Variants in MAF observed in about 807,000 individuals in gnomAD.
The protein encoded by MAF is MAF bZIP transcription factor, also known as transcription factor Maf.
In MAF, 10 loss-of-function variants were observed where a neutral mutation model predicts 22.0. That is an observed-to-expected ratio of 0.45 (90% confidence interval 0.28 to 0.77). MAF has a LOEUF of 0.77. Ranked by LOEUF, MAF falls within the 30% of genes least tolerant of loss-of-function variation. The pLI is 0.12. For missense variants in MAF, 544 were observed against 548.4 expected (o/e 0.99, Z 0.08); for synonymous variants, 337 against 255.8 (o/e 1.32, Z -3.03).
chr16:79,254,844 C>A, the MAF span, among the ~76,000 whole-genome samples: 1 of 152,208 alleles, frequency 6.6e-6, no homozygotes, highest in African/African-American at 2.4e-5. Context: ...ACCAGCTCAA[C>A]CATTGATCAT....
the MAF span, among the ~76,000 whole-genome samples, chr16:79,350,703 C>T: frequency 6.6e-6 from 1 of 152,306 alleles, no homozygotes. Context: ...GCCTGGGCTG[C>T]TGAGACCCTG....
At chr16:79,285,466 T>C in the MAF span, among the ~76,000 whole-genome samples, 2 of 152,020 alleles carry the variant, frequency 1.3e-5, no homozygotes, top group Non-Finnish European at 2.9e-5. Context: ...TTCCGAAAAT[T>C]TGGTCCCTGG....
chr16:79,569,996 A>G, the MAF span, among the ~76,000 whole-genome samples: 113 of 134,128 alleles, frequency 8.4e-4, no homozygotes, highest in African/African-American at 3.2e-3. Context: ...CCAAAGCCCC[A>G]CTCCTGTCTT....
the MAF span, among the ~76,000 whole-genome samples, chr16:79,233,349 A>G: frequency 6.6e-6 from 1 of 152,008 alleles, no homozygotes; most frequent in African/African-American, 2.4e-5. Context: ...CTGGAAGTAG[A>G]CCTATGAAAT....
At chr16:79,506,339 A>AT in the MAF span, among the ~76,000 whole-genome samples, 8 of 152,168 alleles carry the variant, frequency 5.3e-5, no homozygotes, top group Non-Finnish European at 7.4e-5. Flanking sequence ...TTTGCCCATG[A>AT]TTTTTTTATT....
At chr16:79,411,243 T>TG in the MAF span, among the ~76,000 whole-genome samples, 1 of 152,140 alleles carries the variant, frequency 6.6e-6, no homozygotes, top group Non-Finnish European at 1.5e-5. Flanking sequence ...CGTTATTTTT[T>TG]GTCCCTCAAG....
At chr16:79,354,436 G>T in the MAF span, among the ~76,000 whole-genome samples, 1 of 152,184 alleles carries the variant, frequency 6.6e-6, no homozygotes, top group African/African-American at 2.4e-5. Flanking sequence ...AGGCACACAG[G>T]CCACATGTAC....
At chr16:79,350,702 G>A in the MAF span, among the ~76,000 whole-genome samples, 2 of 152,292 alleles carry the variant, frequency 1.3e-5, no homozygotes, top group South Asian at 4.1e-4. Context: ...GGCCTGGGCT[G>A]CTGAGACCCT....
At chr16:79,404,600 T>C in the MAF span, among the ~76,000 whole-genome samples, 4 of 151,976 alleles carry the variant, frequency 2.6e-5, no homozygotes, top group Non-Finnish European at 5.9e-5. Flanking sequence ...ATGACACACA[T>C]TGAAATGACA....
At chr16:79,205,617 C>T in the MAF span, 1 of 152,148 alleles carries the variant, frequency 6.6e-6, no homozygotes, top group African/African-American at 2.4e-5. Context: ...TGAGTGCATT[C>T]CTCTTCTATA....
the MAF span, among the ~76,000 whole-genome samples, chr16:79,537,792 G>T: frequency 0.012 from 1,795 of 152,230 alleles, 39 homozygotes; most frequent in African/African-American, 0.041. Flanking sequence ...ACCAGACGAG[G>T]TCACAGATAG....
At chr16:79,455,931 T>A in the MAF span, among the ~76,000 whole-genome samples, 2 of 152,028 alleles carry the variant, frequency 1.3e-5, no homozygotes, top group Admixed American at 6.6e-5. Context: ...GACGGGAGAA[T>A]TGCTTGAACC....
At chr16:79,230,521 A>T in the MAF span, among the ~76,000 whole-genome samples, 3 of 152,166 alleles carry the variant, frequency 2.0e-5, no homozygotes. Context: ...AACCTGGAAA[A>T]CCATGTAGTA....
At chr16:79,469,740 G>A in the MAF span, among the ~76,000 whole-genome samples, 592 of 152,178 alleles carry the variant, frequency 3.9e-3, 4 homozygotes, top group African/African-American at 0.014. Context: ...GGGATTACAG[G>A]TGCCCGCCAC....
chr16:79,386,901 C>G, the MAF span, among the ~76,000 whole-genome samples: 9 of 152,142 alleles, frequency 5.9e-5, no homozygotes, highest in African/African-American at 2.2e-4. Flanking sequence ...GAAGAGGAAA[C>G]TGAGGCAGTT....
At chr16:79,595,399 AG>A in intron 1 of MAF, 1 of 1,053,284 alleles carries the variant, frequency 9.5e-7, no homozygotes, top group African/African-American at 1.7e-5. Flanking sequence ...TTTCAGTCAG[AG>A]TTGCAATATT....
the MAF span, among the ~76,000 whole-genome samples, chr16:79,396,452 A>G: frequency 1.3e-5 from 2 of 152,242 alleles, no homozygotes; most frequent in South Asian, 4.1e-4. Flanking sequence ...CAATTTTTAT[A>G]CATCCCCAAG....
chr16:79,490,250 C>T, the MAF span, among the ~76,000 whole-genome samples: 1 of 152,322 alleles, frequency 6.6e-6, no homozygotes, highest in Middle Eastern at 3.4e-3. Flanking sequence ...TGGACACAGG[C>T]ACGGCTGGAA....
the MAF span, among the ~76,000 whole-genome samples, chr16:79,337,786 C>T: frequency 3.8e-3 from 574 of 152,278 alleles, no homozygotes; most frequent in Non-Finnish European, 6.5e-3. Context: ...TCCTATCGGA[C>T]AGTGCTCTGT....
Sources: allele counts gnomAD v4.1 joint callset (sites outside exome capture counted in the v4.1 genomes callset), GRCh38; gene constraint gnomAD v4.1.1; transcripts MANE v1.5; gene names NCBI Gene and HGNC (gene_info 2026-07-23, HGNC 2026-07-21).